The following CACNA1D variants were observed in gnomAD, a reference collection of about 807,000 sequenced individuals.
CACNA1D encodes the protein calcium voltage-gated channel subunit alpha1 D.
A neutral mutation model predicts 257.1 loss-of-function variants in CACNA1D; 55 were observed. The observed-to-expected ratio is 0.21, with a 90% CI of 0.17 to 0.27. The LOEUF is 0.27. Ranked by LOEUF, CACNA1D falls within the 10% of genes least tolerant of loss-of-function variation. The pLI, the probability that CACNA1D is intolerant of heterozygous loss-of-function variation, is 1.00. For synonymous variants in CACNA1D, 980 were observed against 1,014.9 expected (o/e 0.97, Z 0.65); for missense variants, 1,876 against 2,784.0 (o/e 0.67, Z 7.34).
At chr3:53,600,499 C>T (rs1456575185) in intron 3 of CACNA1D, among the ~76,000 whole-genome samples, 40 of 152,152 alleles carry the variant, frequency 2.6e-4, no homozygotes, top group Admixed American at 2.6e-3. Context: ...TAGGAACAGA[C>T]AGGGAAACTG....
intron 7 of CACNA1D, among the ~76,000 whole-genome samples, chr3:53,670,702 C>A (rs2094314477): frequency 6.6e-6 from 1 of 152,184 alleles, no homozygotes; most frequent in African/African-American, 2.4e-5. Flanking sequence ...ATTTCCTGGG[C>A]ACCAGATGAC....
At chr3:53,504,695 T>TA (rs1230892922) in intron 3 of CACNA1D, among the ~76,000 whole-genome samples, 3 of 150,754 alleles carry the variant, frequency 2.0e-5, no homozygotes, top group Non-Finnish European at 4.4e-5. Flanking sequence ...TTATTATTAT[T>TA]TTTTTTTTAG....
intron 6 of CACNA1D, 109 bp from the exon 7 acceptor site, chr3:53,666,230 A>C (rs1205619406): frequency 1.0e-6 from 1 of 986,996 alleles, no homozygotes; most frequent in East Asian, 2.4e-5. Flanking sequence ...GGCAACGCAG[A>C]TGGGGCGGTA....
chr3:53,585,629 G>A (rs2093201848), intron 3 of CACNA1D, among the ~76,000 whole-genome samples: 1 of 152,004 alleles, frequency 6.6e-6, no homozygotes. Context: ...CCTTGTCCTT[G>A]TCTGGGGCGG....
At position 53,660,250 on chromosome 3, in the gene CACNA1D, A is replaced by G. The variant is rs2094190460; in HGVS notation, c.741A>G (p.Pro247=). Residue 247 remains proline (P), a synonymous_variant, in exon 5 of 48, where the codon CCA becomes CCG. Coordinates refer to ENST00000350061, the MANE Select transcript of CACNA1D (RefSeq NM_001128840.3). ...TCCGTGCCTTTCGAGTGTTGCGACC[A>G]CTTCGACTAGTGTCAGGAGTGCCCA... is the stretch of plus-strand genomic sequence containing the variant. ...KALRAFRVLR[P]LRLVSGVPSL... 3 of 1,614,004 alleles carry G rather than the reference A, an allele frequency of 1.9e-6. No homozygotes were observed. Among genetic ancestry groups the G allele is most frequent in the African/African-American group, 1.3e-5 (1 of 74,922 alleles).
intron 7 of CACNA1D, among the ~76,000 whole-genome samples, 181 bp downstream of exon 7, chr3:53,666,716 C>T (rs1238501972): frequency 6.6e-6 from 1 of 152,146 alleles, no homozygotes; most frequent in Non-Finnish European, 1.5e-5. Context: ...GCCTTAGTTT[C>T]AGTTGCAGGA....
chr3:53,593,609 T>C (rs1044522031), intron 3 of CACNA1D, among the ~76,000 whole-genome samples: 1 of 152,046 alleles, frequency 6.6e-6, no homozygotes, highest in Non-Finnish European at 1.5e-5. Flanking sequence ...ATTGTAAAAT[T>C]ATCAGGAAAT....
rs9863133 is a variant in CACNA1D, at chr3:53,612,958, A to C, written c.484-37821A>C. 5.3e-3 allele frequency among the ~76,000 whole-genome samples: 810 copies of C among 152,296 alleles called. 8 individuals carry two copies. Among genetic ancestry groups the C allele is most frequent in the African/African-American group, 0.018 (766 of 41,554 alleles). On this transcript the variant is annotated intron_variant, in intron 3 of 47. Transcript: ENST00000350061. ...TTTATTTCATCATTGCCAGAAGTAG[A>C]AGGCAGTCGTCACCTTTTTAAAGGT...
At chr3:53,730,901 C>T (rs1245245989) in intron 16 of CACNA1D, 176 bp from the exon 17 acceptor site, 3 of 618,958 alleles carry the variant, frequency 4.8e-6, no homozygotes, top group Non-Finnish European at 5.7e-6. Flanking sequence ...GAATCCATCG[C>T]ATTGAGATTA....
At chr3:53,749,192 G>T (rs758761183) in intron 26 of CACNA1D, 76 bp from the exon 27 acceptor site, 13 of 1,005,568 alleles carry the variant, frequency 1.3e-5, no homozygotes, top group Non-Finnish European at 2.0e-5. Flanking sequence ...GGAGAGGGAG[G>T]ACCTGGGAAG....
intron 15 of CACNA1D, among the ~76,000 whole-genome samples, chr3:53,728,014 A>G (rs2094952704): frequency 6.6e-6 from 1 of 151,860 alleles, no homozygotes; most frequent in Non-Finnish European, 1.5e-5. Context: ...CCCCCTCCAC[A>G]AGAGCCACCC....
chr3:53,625,791 C>T, intron 3 of CACNA1D, among the ~76,000 whole-genome samples: 1 of 152,134 alleles, frequency 6.6e-6, no homozygotes, highest in East Asian at 1.9e-4. Flanking sequence ...TAATCAGTTA[C>T]CAATTGTTGG....
At chr3:53,569,291 C>T (rs1171232909) in intron 3 of CACNA1D, among the ~76,000 whole-genome samples, 2 of 152,230 alleles carry the variant, frequency 1.3e-5, no homozygotes, top group East Asian at 1.9e-4. Flanking sequence ...TCTCACATCC[C>T]TCTGCCCTTG....
chr3:53,730,332 C>G (rs553379549), intron 15 of CACNA1D, 110 bp from the exon 16 acceptor site: 8 of 748,544 alleles, frequency 1.1e-5, no homozygotes, highest in African/African-American at 3.5e-5. Context: ...ACACTTGGGA[C>G]GGTCACTTAC....
At chr3:53,772,095 A>G (rs2095369371) in intron 32 of CACNA1D, among the ~76,000 whole-genome samples, 1 of 152,226 alleles carries the variant, frequency 6.6e-6, no homozygotes, top group South Asian at 2.1e-4. Context: ...GTGATGAGGT[A>G]AGACAGCAGT....
intron 3 of CACNA1D, among the ~76,000 whole-genome samples, chr3:53,545,926 T>C (rs114693611): frequency 0.018 from 2,770 of 152,260 alleles, 91 homozygotes; most frequent in African/African-American, 0.062. Context: ...ACCCTTCTTA[T>C]AAAGCAATTA....
chr3:53,739,787 C>A (rs979059340), intron 20 of CACNA1D, among the ~76,000 whole-genome samples: 1 of 152,130 alleles, frequency 6.6e-6, no homozygotes, highest in Non-Finnish European at 1.5e-5. Context: ...GGCTGGAATG[C>A]GAGGGGGCAT....
intron 8 of CACNA1D, among the ~76,000 whole-genome samples, chr3:53,674,205 C>G (rs772031211): frequency 6.6e-6 from 1 of 152,190 alleles, no homozygotes; most frequent in Non-Finnish European, 1.5e-5. Context: ...AGTACATAAC[C>G]TGGCCCCTTT....
At chr3:53,779,133 TAAAA>T (rs1183512043) in intron 37 of CACNA1D, among the ~76,000 whole-genome samples, 3 of 151,990 alleles carry the variant, frequency 2.0e-5, no homozygotes, top group Admixed American at 6.6e-5. Context: ...ACCTCATCTC[TAAAA>T]AAACATAACA....
Sources: gnomAD v4.1 joint callset for allele counts (sites outside exome capture counted in the v4.1 genomes callset) on GRCh38, gnomAD v4.1.1 for gene constraint, MANE v1.5 for transcripts, NCBI Gene and HGNC (gene_info 2026-07-23, HGNC 2026-07-21) for gene names.